PRR5L: variants seen among roughly 807,000 people sequenced by gnomAD.
The protein encoded by PRR5L is proline-rich protein 5-like.
PRR5L carries 21 observed loss-of-function variants against 36.4 expected under a neutral mutation model. The ratio of observed to expected loss-of-function variants is 0.58; its 90% CI spans 0.41 to 0.83. The LOEUF is 0.83. Among genes scored for constraint, PRR5L ranks in the 40% least tolerant of loss-of-function variants. The pLI is 0.00. For missense variants in PRR5L, 381 were observed against 473.3 expected (o/e 0.80, Z 1.81); for synonymous variants, 188 against 197.0 (o/e 0.95, Z 0.38).
chr11:36,438,545 G>T (rs1284731407), intron 6 of PRR5L, among the ~76,000 whole-genome samples: 1 of 152,174 alleles, frequency 6.6e-6, no homozygotes, highest in African/African-American at 2.4e-5. Flanking sequence ...ACAGATAGAA[G>T]CTTCTGTCCT....
chr11:36,335,026 T>C (rs988589986), intron 1 of PRR5L, among the ~76,000 whole-genome samples: 2 of 152,214 alleles, frequency 1.3e-5, no homozygotes, highest in African/African-American at 4.8e-5. Context: ...TTTCATCTTA[T>C]CATTTGATCT....
At chr11:36,330,856 G>A (rs1856711464) in intron 1 of PRR5L, among the ~76,000 whole-genome samples, 2 of 151,998 alleles carry the variant, frequency 1.3e-5, no homozygotes, top group South Asian at 2.1e-4. Flanking sequence ...GTGTAGGCCG[G>A]TGTTAGAGGT....
intron 1 of PRR5L, among the ~76,000 whole-genome samples, chr11:36,342,339 G>A (rs561229790): frequency 2.7e-4 from 41 of 152,150 alleles, no homozygotes; most frequent in Admixed American, 2.3e-3. Context: ...TAGGGCAGAC[G>A]GGGGCGAAAT....
intron 6 of PRR5L, among the ~76,000 whole-genome samples, chr11:36,444,610 T>C (rs151094416): frequency 6.6e-4 from 100 of 152,336 alleles, no homozygotes; most frequent in African/African-American, 2.3e-3. Flanking sequence ...AAATAATCAG[T>C]TCTGGAAAGT....
chr11:36,431,437 G>A (rs1485839542), intron 4 of PRR5L, among the ~76,000 whole-genome samples: 4 of 150,600 alleles, frequency 2.7e-5, no homozygotes, highest in East Asian at 2.0e-4. Context: ...ATGCTAGTGT[G>A]AGAAGCCCTA....
At chr11:36,408,508 C>T (rs1022726391) in intron 3 of PRR5L, among the ~76,000 whole-genome samples, 3 of 152,190 alleles carry the variant, frequency 2.0e-5, no homozygotes, top group South Asian at 2.1e-4. Flanking sequence ...TCCCAATCAA[C>T]AATTCTGGCT....
intron 1 of PRR5L, among the ~76,000 whole-genome samples, chr11:36,338,978 T>C (rs1478677569): frequency 6.6e-6 from 1 of 152,114 alleles, no homozygotes; most frequent in African/African-American, 2.4e-5. Flanking sequence ...ATCTGATGGG[T>C]TTGTCAGGGG....
At chr11:36,389,830 C>G (rs2133541240) in intron 1 of PRR5L, among the ~76,000 whole-genome samples, 1 of 152,234 alleles carries the variant, frequency 6.6e-6, no homozygotes, top group South Asian at 2.1e-4. Context: ...CCAGGCTGGT[C>G]TCGAACTCCT....
At chr11:36,417,456 T>A (rs1213010905) in intron 3 of PRR5L, among the ~76,000 whole-genome samples, 1 of 152,188 alleles carries the variant, frequency 6.6e-6, no homozygotes, top group Non-Finnish European at 1.5e-5. Context: ...CCGCTCTTAG[T>A]CCAGTGGCTT....
chr11:36,338,206 C>G (rs185463156), intron 1 of PRR5L, among the ~76,000 whole-genome samples: 6 of 152,326 alleles, frequency 3.9e-5, no homozygotes, highest in Admixed American at 3.3e-4. Flanking sequence ...AGGCCTTTCT[C>G]AATCAAGTAT....
intron 1 of PRR5L, among the ~76,000 whole-genome samples, chr11:36,384,267 T>A (rs145316985): frequency 6.6e-6 from 1 of 152,362 alleles, no homozygotes; most frequent in Non-Finnish European, 1.5e-5. Context: ...GACCTTTCAT[T>A]AGCTTTGCTT....
At chr11:36,346,377 A>C (rs1321077582) in intron 1 of PRR5L, among the ~76,000 whole-genome samples, 2 of 152,082 alleles carry the variant, frequency 1.3e-5, no homozygotes, top group South Asian at 2.1e-4. Flanking sequence ...AGGTCAGGAG[A>C]TCGAGACCAT....
chr11:36,445,482 T>C (rs1197965897), intron 6 of PRR5L, among the ~76,000 whole-genome samples: 1 of 152,138 alleles, frequency 6.6e-6, no homozygotes, highest in African/African-American at 2.4e-5. Context: ...TTTTAGTGCA[T>C]GTTGTATGTA....
chr11:36,399,335 C>G (rs1316890881), intron 1 of PRR5L, among the ~76,000 whole-genome samples: 1 of 152,192 alleles, frequency 6.6e-6, no homozygotes, highest in African/African-American at 2.4e-5. Context: ...CAAGCCATTT[C>G]TTTTCTGCCT....
chr11:36,454,162 C>T (rs2133628860), intron 8 of PRR5L: 1 of 152,486 alleles, frequency 6.6e-6, no homozygotes, highest in African/African-American at 2.4e-5. Flanking sequence ...ATCAGCTGCC[C>T]CACATGCTCT....
chr11:36,359,624 T>C (rs1280670836), intron 1 of PRR5L, among the ~76,000 whole-genome samples: 1 of 152,140 alleles, frequency 6.6e-6, no homozygotes, highest in Non-Finnish European at 1.5e-5. Context: ...GATACAGACA[T>C]GATGATTCCA....
intron 8 of PRR5L, among the ~76,000 whole-genome samples, chr11:36,457,825 G>A (rs920020378): frequency 6.6e-6 from 1 of 152,098 alleles, no homozygotes; most frequent in Admixed American, 6.5e-5. Flanking sequence ...TAGGGTTCAG[G>A]TCCCCACATG....
intron 1 of PRR5L, among the ~76,000 whole-genome samples, chr11:36,373,247 A>T (rs945592608): frequency 3.9e-5 from 6 of 152,186 alleles, no homozygotes; most frequent in African/African-American, 1.4e-4. Context: ...TTTCCTCCTC[A>T]TAAATTAATG....
intron 1 of PRR5L, among the ~76,000 whole-genome samples, chr11:36,386,811 A>C (rs1381113544): frequency 1.3e-5 from 2 of 152,240 alleles, no homozygotes; most frequent in Non-Finnish European, 2.9e-5. Flanking sequence ...GTAGAAATTA[A>C]CTGAGGGAAT....
Sources: allele counts gnomAD v4.1 joint callset (sites outside exome capture counted in the v4.1 genomes callset), GRCh38; gene constraint gnomAD v4.1.1; transcripts MANE v1.5; gene names NCBI Gene and HGNC (gene_info 2026-07-23, HGNC 2026-07-21).